LSAMP: variants seen among roughly 807,000 people sequenced by gnomAD.
The protein encoded by LSAMP is limbic system-associated membrane protein.
LSAMP carries 7 observed loss-of-function variants against 38.6 expected under a neutral mutation model. That is an observed-to-expected ratio of 0.18 (90% confidence interval 0.10 to 0.34). The LOEUF is 0.34. Ranked by LOEUF, LSAMP falls within the 10% of genes least tolerant of loss-of-function variation. The probability of loss-of-function intolerance (pLI) is 1.00; values close to 1 mark genes in which losing one functional copy is unlikely to be tolerated. For missense variants in LSAMP, 313 were observed against 420.0 expected, an observed-to-expected ratio of 0.75 and a Z score of 2.23; for synonymous variants, 154 against 166.8, an observed-to-expected ratio of 0.92 and a Z score of 0.59.
At chr3:116,420,160 C>T (rs988249016) in intron 1 of LSAMP, among the ~76,000 whole-genome samples, 10 of 151,408 alleles carry the variant, frequency 6.6e-5, no homozygotes, top group Non-Finnish European at 1.5e-4. Context: ...TGCAGTGGCA[C>T]GATCTCAGCT....
chr3:116,335,443 C>T (rs1373969594), intron 1 of LSAMP, among the ~76,000 whole-genome samples: 2 of 152,126 alleles, frequency 1.3e-5, no homozygotes, highest in South Asian at 2.1e-4. Context: ...CTGGAGGACT[C>T]GCCCTTCCGG....
intron 1 of LSAMP, among the ~76,000 whole-genome samples, chr3:116,418,397 T>C (rs2049078568): frequency 6.6e-6 from 1 of 152,234 alleles, no homozygotes; most frequent in Non-Finnish European, 1.5e-5. Context: ...ATTTGCAAGC[T>C]TGAAATTTCA....
intron 3 of LSAMP, among the ~76,000 whole-genome samples, chr3:115,928,035 C>T (rs189996269): frequency 6.0e-4 from 91 of 152,230 alleles, no homozygotes; most frequent in Middle Eastern, 3.4e-3. Flanking sequence ...GAAAAATTTT[C>T]GTTTTGTTTA....
At chr3:116,138,710 T>C (rs1444428243) in intron 1 of LSAMP, among the ~76,000 whole-genome samples, 2 of 152,044 alleles carry the variant, frequency 1.3e-5, no homozygotes, top group Admixed American at 6.6e-5. Flanking sequence ...ATTTAATTTA[T>C]AGAAAAATCA....
chr3:116,431,233 T>A (rs137957185), intron 1 of LSAMP, among the ~76,000 whole-genome samples: 69 of 152,220 alleles, frequency 4.5e-4, no homozygotes, highest in African/African-American at 1.7e-3. Flanking sequence ...TAGCTCATTT[T>A]TGACCCATAA....
intron 3 of LSAMP, among the ~76,000 whole-genome samples, chr3:115,854,267 ATTATTATT>A (rs1448298171): frequency 8.3e-6 from 1 of 120,008 alleles, no homozygotes; most frequent in Non-Finnish European, 1.7e-5. Context: ...TATTATTATT[ATTATTATT>A]ATTATTATTT....
At chr3:116,269,678 C>T (rs753477300) in intron 1 of LSAMP, among the ~76,000 whole-genome samples, 8 of 152,084 alleles carry the variant, frequency 5.3e-5, no homozygotes, top group Non-Finnish European at 8.8e-5. Flanking sequence ...AGGGGCACTA[C>T]TAATAATTAC....
At chr3:115,816,770 T>C in intron 6 of LSAMP, 1 of 436,622 alleles carries the variant, frequency 2.3e-6, no homozygotes, top group South Asian at 2.0e-5. Context: ...GGAAAGAACA[T>C]TTTAATAGGA....
chr3:116,066,981 C>T (rs1707469066), intron 2 of LSAMP, among the ~76,000 whole-genome samples: 1 of 152,036 alleles, frequency 6.6e-6, no homozygotes, highest in South Asian at 2.1e-4. Context: ...TACAGAATCC[C>T]TGTGATATTA....
At chr3:115,828,382 T>G (rs937825212) in intron 6 of LSAMP, among the ~76,000 whole-genome samples, 1 of 152,070 alleles carries the variant, frequency 6.6e-6, no homozygotes, top group Admixed American at 6.6e-5. Flanking sequence ...GTACTACCAC[T>G]TTTTAAAAAG....
intron 1 of LSAMP, among the ~76,000 whole-genome samples, chr3:116,203,250 T>C (rs1233428621): frequency 1.3e-5 from 2 of 152,216 alleles, no homozygotes; most frequent in African/African-American, 2.4e-5. Context: ...TTATGTTCTC[T>C]TCAGTAGATT....
At chr3:116,323,752 T>A (rs974741250) in intron 1 of LSAMP, among the ~76,000 whole-genome samples, 1 of 152,132 alleles carries the variant, frequency 6.6e-6, no homozygotes, top group Non-Finnish European at 1.5e-5. Flanking sequence ...CCTCTAATCA[T>A]GGCCCTCAAA....
chr3:116,220,734 A>G (rs62269257), intron 1 of LSAMP, among the ~76,000 whole-genome samples: 17,585 of 152,192 alleles, frequency 0.12, 1,639 homozygotes, highest in African/African-American at 0.26. Context: ...CTTATCTACT[A>G]CTGTAATCAA....
At chr3:115,886,596 TA>T (rs1409587417) in intron 3 of LSAMP, among the ~76,000 whole-genome samples, 8 of 152,020 alleles carry the variant, frequency 5.3e-5, no homozygotes. Flanking sequence ...AGGTTTTCCC[TA>T]AACAAAATTG....
intron 2 of LSAMP, among the ~76,000 whole-genome samples, chr3:116,059,306 T>C (rs1941549313): frequency 6.6e-6 from 1 of 152,210 alleles, no homozygotes; most frequent in Non-Finnish European, 1.5e-5. Flanking sequence ...TATGCAACTC[T>C]TTTCAACTAC....
chr3:116,185,722 T>C (rs563403593), intron 1 of LSAMP, among the ~76,000 whole-genome samples: 1 of 152,182 alleles, frequency 6.6e-6, no homozygotes, highest in Non-Finnish European at 1.5e-5. Context: ...ATTCTAATTG[T>C]CATTCTTCAA....
At chr3:116,392,027 C>T (rs2048707593) in intron 1 of LSAMP, among the ~76,000 whole-genome samples, 1 of 152,164 alleles carries the variant, frequency 6.6e-6, no homozygotes, top group Admixed American at 6.5e-5. Flanking sequence ...GATGGGGAGC[C>T]TTGGGCCACA....
chr3:115,924,115 A>G (rs1455184962), intron 3 of LSAMP, among the ~76,000 whole-genome samples: 3 of 152,160 alleles, frequency 2.0e-5, no homozygotes, highest in African/African-American at 7.2e-5. Flanking sequence ...ACATTAGCAA[A>G]GATACTAAAG....
At chr3:116,182,028 A>G (rs1309709876) in intron 1 of LSAMP, among the ~76,000 whole-genome samples, 5 of 152,136 alleles carry the variant, frequency 3.3e-5, no homozygotes, top group Non-Finnish European at 7.4e-5. Context: ...TTTAAAATGC[A>G]TAGAACATGT....
Sources: gnomAD v4.1 joint callset for allele counts (sites outside exome capture counted in the v4.1 genomes callset) on GRCh38, gnomAD v4.1.1 for gene constraint, MANE v1.5 for transcripts, NCBI Gene and HGNC (gene_info 2026-07-23, HGNC 2026-07-21) for gene names.